Variants in CENPF observed in about 807,000 individuals in gnomAD.
CENPF encodes AH antigen.
CENPF carries 214 observed loss-of-function variants against 307.3 expected under a neutral mutation model. That is an observed-to-expected ratio of 0.70 (90% CI 0.62 to 0.78). The LOEUF is 0.78. CENPF is among the 30% of genes least tolerant of loss of function. The probability of loss-of-function intolerance (pLI) is 0.00; values close to 1 mark genes in which losing one functional copy is unlikely to be tolerated. For synonymous variants in CENPF, 1,259 were observed against 1,270.6 expected (o/e 0.99, Z 0.19); for missense variants, 3,401 against 3,483.9 (o/e 0.98, Z 0.60).
rs1658735991 is a variant in CENPF at position 214,659,400 on chromosome 1, C to A, written c.9141+372C>A. Among the ~76,000 whole-genome samples, 1 of 151,824 alleles carries A rather than the reference C, an allele frequency of 6.6e-6. No individual in the cohort carries two copies. Among genetic ancestry groups the A allele is most frequent in the South Asian group, 2.1e-4 (1 of 4,808 alleles). ...TCAAACTTTACTCTCACTTATCTGC[C>A]CCCAGCTGCTAATTCTTTATTGTTT... On this transcript the variant is annotated intron_variant, in intron 19 of 19. Coordinates refer to ENST00000366955, the MANE Select transcript of CENPF (RefSeq NM_016343.4). The surrounding 1 kb of genome is among the most constrained non-coding windows in gnomAD (Gnocchi z 4.4).
At position 214,638,012 on chromosome 1, in the gene CENPF, T is replaced by A; in HGVS notation, c.1582+11T>A. On this transcript the variant is annotated intron_variant, in intron 11 of 19. Transcript: ENST00000366955. ...CAGAAGAAATGAAAGGTAAGTAAAC[T>A]TAGTATTTTAGAGTTACCTTTCTAA... 1 of 1,604,282 alleles carries A rather than the reference T, an allele frequency of 6.2e-7. No homozygotes were observed. The highest frequency in any genetic ancestry group is 8.5e-7 in the Non-Finnish European group (1 of 1,176,708).
At chr1:214,627,090 A>G (rs1254358688) in intron 7 of CENPF, among the ~76,000 whole-genome samples, 2 of 151,626 alleles carry the variant, frequency 1.3e-5, no homozygotes, top group East Asian at 3.9e-4. Flanking sequence ...TTGTTTTGAG[A>G]CAGGGTCTCA....
At chr1:214,635,847 A>G (rs1256249387) in intron 10 of CENPF, among the ~76,000 whole-genome samples, 3 of 152,202 alleles carry the variant, frequency 2.0e-5, no homozygotes, top group African/African-American at 7.2e-5. Context: ...ACACATAAAC[A>G]TAAAATTCCC....
intron 1 of CENPF, chr1:214,608,744 C>A (rs559313398): frequency 1.9e-6 from 3 of 1,598,640 alleles, no homozygotes; most frequent in East Asian, 4.5e-5. Context: ...GAATAGGTGG[C>A]CTCCGGCGGC....
intron 7 of CENPF, 96 bp from the exon 8 acceptor site, chr1:214,628,950 C>A: frequency 1.1e-6 from 1 of 903,578 alleles, no homozygotes; most frequent in Non-Finnish European, 1.6e-6. Context: ...AAATTGTGTG[C>A]TAAAACAATT....
intron 1 of CENPF, among the ~76,000 whole-genome samples, chr1:214,603,823 AT>A (rs112698986): frequency 0.076 from 10,774 of 141,352 alleles, 1,120 homozygotes; most frequent in African/African-American, 0.24. Flanking sequence ...TCCCGTCCAC[AT>A]TTTTTTTTTT....
chr1:214,627,931 A>AT (rs1477240874), intron 7 of CENPF, among the ~76,000 whole-genome samples: 1 of 152,234 alleles, frequency 6.6e-6, no homozygotes, highest in African/African-American at 2.4e-5. Flanking sequence ...AAGTGAACAT[A>AT]TGCTGTTTGT....
intron 16 of CENPF, chr1:214,654,331 G>C (rs1486192452): frequency 6.6e-6 from 1 of 152,220 alleles, no homozygotes; most frequent in African/African-American, 2.4e-5. Context: ...CCAGCACTTT[G>C]GGAGGCCAGG....
Position 214,657,029 on chromosome 1 carries a change from T to C in CENPF, c.8582T>C (p.Leu2861Ser). The change falls in exon 18 of 20, where the codon TTG (leucine) becomes TCG (serine). Residue 2861 changes from leucine (L) to serine (S), a missense_variant. Physicochemically the swap from Leu to Ser is moderately radical, Grantham distance 145 (BLOSUM62 -2). Coordinates refer to ENST00000366955, the MANE Select transcript of CENPF (RefSeq NM_016343.4). ...EEKTKEADEYLDKYCSLLISH... is the reference protein window; with the variant it reads ...EEKTKEADEYSDKYCSLLISH... ...AAAACCAAGGAGGCAGATGAATACT[T>C]GGATAAGTACTGTTCCTTGCTTATA... is the stretch of plus-strand genomic sequence containing the variant. 25 of 1,613,932 alleles carry C rather than the reference T, an allele frequency of 1.5e-5. No homozygotes were observed. Among genetic ancestry groups the C allele is most frequent in the Non-Finnish European group, 2.1e-5 (25 of 1,179,954 alleles).
chr1:214,605,017 A>C (rs1382165492), intron 1 of CENPF, among the ~76,000 whole-genome samples: 1 of 152,228 alleles, frequency 6.6e-6, no homozygotes, highest in East Asian at 1.9e-4. Context: ...TCGATTGAAA[A>C]AAACCATTAA....
At chr1:214,634,834 T>G (rs920570465) in intron 10 of CENPF, among the ~76,000 whole-genome samples, 7 of 152,232 alleles carry the variant, frequency 4.6e-5, no homozygotes, top group African/African-American at 1.7e-4. Flanking sequence ...CACTAACAAA[T>G]TTAGGACGCT....
chr1:214,638,890 C>T, intron 11 of CENPF, among the ~76,000 whole-genome samples: 1 of 152,212 alleles, frequency 6.6e-6, no homozygotes, highest in East Asian at 1.9e-4. Context: ...CAGTTTTCAG[C>T]TTTCTTGAAG....
At chr1:214,639,840 G>A in intron 11 of CENPF, 81 bp from the exon 12 acceptor site, 2 of 928,110 alleles carry the variant, frequency 2.2e-6, no homozygotes, top group Non-Finnish European at 2.9e-6. Context: ...GATTTTGCCA[G>A]GGGGCGGGGG....
At chr1:214,616,914 TTTCTTTCTTC>T (rs2102534036) in intron 3 of CENPF, among the ~76,000 whole-genome samples, 1 of 81,510 alleles carries the variant, frequency 1.2e-5, no homozygotes, top group Admixed American at 1.2e-4. Context: ...TCTTTCTTTC[TTTCTTTCTTC>T]TTTCTTTCCA....
chr1:214,637,214 T>A (rs1264069418), intron 10 of CENPF, among the ~76,000 whole-genome samples: 1 of 152,248 alleles, frequency 6.6e-6, no homozygotes, highest in Non-Finnish European at 1.5e-5. Flanking sequence ...AATGTCTCTT[T>A]AGTATTTAGC....
rs758269241 is a variant in CENPF at position 214,643,210 on chromosome 1, G to C, written c.4872G>C (p.Leu1624Phe). 1.2e-6 allele frequency: 2 copies of C among 1,603,484 alleles called. No homozygotes were observed. Among genetic ancestry groups the C allele is most frequent in the Non-Finnish European group, 1.7e-6 (2 of 1,176,716 alleles). The change falls in exon 12 of 20, where the codon TTG becomes TTC. Residue 1624 changes from leucine to phenylalanine, a missense_variant. Physicochemically the swap from Leu to Phe is conservative, Grantham distance 22. Coordinates refer to ENST00000366955, the MANE Select transcript of CENPF (RefSeq NM_016343.4). ...TGACTCTGGAGATGGAGTCCAAGTT[G>C]GCGGCAGAAAAGAAACAGACGGAAC... ...TSVTLEMESKLAAEKKQTEQL... is the reference protein window; with the variant it reads ...TSVTLEMESKFAAEKKQTEQL...
intron 7 of CENPF, among the ~76,000 whole-genome samples, chr1:214,625,852 C>T (rs1273066381): frequency 1.3e-5 from 2 of 152,076 alleles, no homozygotes; most frequent in Admixed American, 6.5e-5. Flanking sequence ...TCTCCCTTTT[C>T]GTCTTTTTAC....
rs1350219314 is a variant in CENPF at position 214,646,113 on chromosome 1, A to C, written c.6543A>C (p.Lys2181Asn). The C allele has an allele frequency of 6.2e-7, 1 of 1,613,972 alleles. No homozygotes were observed. Among genetic ancestry groups the C allele is most frequent in the African/African-American group, 1.3e-5 (1 of 74,944 alleles). ...TGATTCTTGATGCCGAGAATTCCAA[A>C]GCAGAAGTAGAGACTCTAAAAACAC... ...ELVILDAENS[K>N]AEVETLKTQI... The change falls in exon 13 of 20, where the codon AAA becomes AAC. Residue 2181 changes from lysine to asparagine, a missense_variant. Coordinates refer to ENST00000366955, the MANE Select transcript of CENPF (RefSeq NM_016343.4).
In CENPF at chr1:214,632,553, C is replaced by T. The variant is rs775604973; in HGVS notation, c.1397C>T (p.Ala466Val). Reference protein sequence around the residue: ...FKQKLCRAEQAFQASQIKENE... With the variant: ...FKQKLCRAEQVFQASQIKENE... ...CAAAAGTTGTGCAGAGCTGAACAGG[C>T]GTTCCAGGCGAGTCAGATCAAGGAG... The change falls in exon 10 of 20, where the codon GCG becomes GTG. Residue 466 changes from alanine (A) to valine (V), a missense_variant. Ala to Val is a moderately conservative substitution (Grantham distance 64). Coordinates refer to ENST00000366955, the MANE Select transcript of CENPF (RefSeq NM_016343.4). 1.5e-5 allele frequency: 25 copies of T among 1,613,848 alleles called. No individual in the cohort carries two copies. The highest frequency in any genetic ancestry group is 1.2e-4 in the South Asian group (11 of 91,084).
Sources: allele counts gnomAD v4.1 joint callset (sites outside exome capture counted in the v4.1 genomes callset), GRCh38; gene constraint gnomAD v4.1.1; non-coding constraint Gnocchi (gnomAD v3.1); transcripts MANE v1.5; gene names NCBI Gene and HGNC (gene_info 2026-07-23, HGNC 2026-07-21).